The following CAMK1D variants were observed in gnomAD, a reference collection of about 807,000 sequenced individuals.
The protein encoded by CAMK1D is calcium/calmodulin-dependent protein kinase type 1D.
In CAMK1D, 9 loss-of-function variants were observed where a neutral mutation model predicts 47.7. The ratio of observed to expected loss-of-function variants is 0.19; its 90% confidence interval spans 0.11 to 0.33. The LOEUF is 0.33. CAMK1D is among the 10% of genes least tolerant of loss of function. The pLI is 1.00. For synonymous variants in CAMK1D, 184 were observed against 184.9 expected (o/e 0.99, Z 0.04); for missense variants, 291 against 488.7 (o/e 0.60, Z 3.81).
chr10:12,422,576 A>G (rs1456903457), intron 1 of CAMK1D, among the ~76,000 whole-genome samples: 1 of 152,186 alleles, frequency 6.6e-6, no homozygotes, highest in Non-Finnish European at 1.5e-5. Context: ...CTCCCCTCCA[A>G]AAAAGAGCTT....
intron 1 of CAMK1D, among the ~76,000 whole-genome samples, chr10:12,444,982 A>C (rs1832887130): frequency 6.6e-6 from 1 of 152,232 alleles, no homozygotes; most frequent in East Asian, 1.9e-4. Context: ...ACAGCTTTGC[A>C]GGGTCATTTC....
intron 2 of CAMK1D, among the ~76,000 whole-genome samples, chr10:12,660,078 A>G (rs1471657673): frequency 6.6e-6 from 1 of 152,172 alleles, no homozygotes; most frequent in Admixed American, 6.5e-5. Flanking sequence ...TTCATAACCT[A>G]AGTAGGTCAA....
chr10:12,698,064 G>A (rs755847554), intron 3 of CAMK1D, among the ~76,000 whole-genome samples: 11 of 152,098 alleles, frequency 7.2e-5, no homozygotes, highest in Non-Finnish European at 1.3e-4. Context: ...ATACTGGTTG[G>A]GCCAAGTTTT....
At chr10:12,728,833 G>A (rs1271779709) in intron 3 of CAMK1D, among the ~76,000 whole-genome samples, 6 of 152,172 alleles carry the variant, frequency 3.9e-5, no homozygotes, top group Admixed American at 6.5e-5. Flanking sequence ...GTATGTGTGC[G>A]CACGCACACG....
At chr10:12,500,690 A>C (rs914487036) in intron 1 of CAMK1D, among the ~76,000 whole-genome samples, 13 of 152,354 alleles carry the variant, frequency 8.5e-5, no homozygotes, top group African/African-American at 3.1e-4. Flanking sequence ...TATCCAGCTA[A>C]AGAGGCTTGG....
intron 5 of CAMK1D, among the ~76,000 whole-genome samples, chr10:12,783,356 C>G (rs1837584738): frequency 6.6e-6 from 1 of 152,274 alleles, no homozygotes; most frequent in South Asian, 2.1e-4. Flanking sequence ...CCAGGCTGCT[C>G]CCTCCTGATG....
intron 2 of CAMK1D, among the ~76,000 whole-genome samples, chr10:12,575,621 T>C (rs553898428): frequency 3.9e-5 from 6 of 152,310 alleles, no homozygotes; most frequent in Admixed American, 2.6e-4. Context: ...CTTCCACTTA[T>C]AATTTGATCT....
intron 1 of CAMK1D, among the ~76,000 whole-genome samples, chr10:12,475,191 A>G (rs1018112278): frequency 2.0e-5 from 3 of 152,126 alleles, no homozygotes; most frequent in Admixed American, 1.3e-4. Flanking sequence ...GTACATTCAC[A>G]TTATTGCGCA....
At chr10:12,381,745 G>T (rs11593217) in intron 1 of CAMK1D, among the ~76,000 whole-genome samples, 59,657 of 151,944 alleles carry the variant, frequency 0.39, 12,360 homozygotes, top group East Asian at 0.55. Context: ...TCGGAGTCTG[G>T]TCAGTGTTCA....
chr10:12,806,290 A>AGACC (rs1838727376), intron 6 of CAMK1D, among the ~76,000 whole-genome samples: 1 of 152,222 alleles, frequency 6.6e-6, no homozygotes, highest in Non-Finnish European at 1.5e-5. Flanking sequence ...ATAGGGACTC[A>AGACC]GACCGTCTGT....
At chr10:12,548,247 T>C (rs1362184770) in intron 1 of CAMK1D, among the ~76,000 whole-genome samples, 1 of 152,156 alleles carries the variant, frequency 6.6e-6, no homozygotes, top group African/African-American at 2.4e-5. Flanking sequence ...TTTGTAAATA[T>C]CAAGTCACTG....
chr10:12,390,824 C>T (rs890754498), intron 1 of CAMK1D, among the ~76,000 whole-genome samples: 3 of 152,140 alleles, frequency 2.0e-5, no homozygotes, highest in Non-Finnish European at 2.9e-5. Flanking sequence ...GCCTGGAATA[C>T]GGGTCCAGCT....
intron 1 of CAMK1D, among the ~76,000 whole-genome samples, chr10:12,373,900 C>A (rs1838087140): frequency 1.3e-5 from 2 of 149,940 alleles, no homozygotes; most frequent in African/African-American, 4.9e-5. Context: ...CATGGTGAAA[C>A]CCCATCTCTA....
At chr10:12,427,543 G>GGT (rs1238516375) in intron 1 of CAMK1D, among the ~76,000 whole-genome samples, 2 of 152,096 alleles carry the variant, frequency 1.3e-5, no homozygotes, top group Non-Finnish European at 2.9e-5. Context: ...GTGGGGGACA[G>GGT]GTCTGGGAGG....
chr10:12,639,699 G>A (rs140801672), intron 2 of CAMK1D, among the ~76,000 whole-genome samples: 10 of 151,916 alleles, frequency 6.6e-5, no homozygotes, highest in Non-Finnish European at 8.8e-5. Context: ...TTTGTTTTTC[G>A]GTGTCTTTTA....
chr10:12,352,170 G>A (rs1367884396), intron 1 of CAMK1D, among the ~76,000 whole-genome samples: 2 of 152,162 alleles, frequency 1.3e-5, no homozygotes, highest in African/African-American at 2.4e-5. Flanking sequence ...ATTAAGTGGC[G>A]GAGCTGGTAT....
At chr10:12,552,298 C>T (rs1449163672) in intron 1 of CAMK1D, among the ~76,000 whole-genome samples, 1 of 152,180 alleles carries the variant, frequency 6.6e-6, no homozygotes, top group Admixed American at 6.5e-5. Flanking sequence ...ACTCCATAGC[C>T]CTTGCTTGTT....
At chr10:12,803,452 C>T (rs1046825900) in intron 6 of CAMK1D, among the ~76,000 whole-genome samples, 3 of 152,078 alleles carry the variant, frequency 2.0e-5, no homozygotes, top group African/African-American at 7.2e-5. Flanking sequence ...GAGGCTGAGG[C>T]GGGCAGGTCA....
intron 1 of CAMK1D, among the ~76,000 whole-genome samples, chr10:12,401,245 TATATA>T (rs1323557839): frequency 2.7e-5 from 1 of 37,724 alleles, no homozygotes; most frequent in East Asian, 7.5e-4. Context: ...ATTTTATATA[TATATA>T]ATATATGTAT....
Sources: gnomAD v4.1 joint callset for allele counts (sites outside exome capture counted in the v4.1 genomes callset) on GRCh38, gnomAD v4.1.1 for gene constraint, MANE v1.5 for transcripts, NCBI Gene and HGNC (gene_info 2026-07-23, HGNC 2026-07-21) for gene names.